The following GRM3 variants were observed in gnomAD, a reference collection of about 807,000 sequenced individuals.
The protein encoded by GRM3 is metabotropic glutamate receptor 3.
GRM3 carries 26 observed loss-of-function variants against 70.5 expected under a neutral mutation model. That is an observed-to-expected ratio of 0.37 (90% CI 0.27 to 0.51). The LOEUF (loss-of-function observed/expected upper bound fraction) is 0.51. Among genes scored for constraint, GRM3 ranks in the 20% least tolerant of loss-of-function variants. The pLI, the probability that GRM3 is intolerant of heterozygous loss-of-function variation, is 0.93. For synonymous variants in GRM3, 443 were observed against 434.9 expected (o/e 1.02, Z -0.23); for missense variants, 859 against 1,123.8 (o/e 0.76, Z 3.37).
chr7:86,645,838 T>A (rs1793447923), intron 1 of GRM3, among the ~76,000 whole-genome samples: 1 of 152,048 alleles, frequency 6.6e-6, no homozygotes, highest in Non-Finnish European at 1.5e-5. Flanking sequence ...GGTCTATATG[T>A]AGGTACATAT....
chr7:86,650,793 A>T (rs1793584528), intron 1 of GRM3, among the ~76,000 whole-genome samples: 2 of 152,162 alleles, frequency 1.3e-5, no homozygotes, highest in Admixed American at 1.3e-4. Context: ...GGTGAGTAGG[A>T]TTTCTGCTGA....
At chr7:86,711,181 A>ATTTT (rs1562834214) in intron 1 of GRM3, among the ~76,000 whole-genome samples, 7 of 149,170 alleles carry the variant, frequency 4.7e-5, no homozygotes, top group Admixed American at 4.0e-4. Flanking sequence ...AATTTAATTT[A>ATTTT]ATTTTATTTT....
chr7:86,842,187 T>C (rs1187793610), intron 4 of GRM3, among the ~76,000 whole-genome samples: 1 of 152,216 alleles, frequency 6.6e-6, no homozygotes, highest in African/African-American at 2.4e-5. Flanking sequence ...CAGGTAACTC[T>C]GATTTGCAGC....
At chr7:86,703,970 T>G (rs1047739565) in intron 1 of GRM3, among the ~76,000 whole-genome samples, 1 of 151,986 alleles carries the variant, frequency 6.6e-6, no homozygotes, top group African/African-American at 2.4e-5. Context: ...AAGTTTCAGA[T>G]ATGCCTGTAT....
At chr7:86,800,276 A>C (rs1797651751) in intron 3 of GRM3, among the ~76,000 whole-genome samples, 1 of 152,208 alleles carries the variant, frequency 6.6e-6, no homozygotes, top group South Asian at 2.1e-4. Context: ...AGAAGACAAG[A>C]AATAACCAAG....
At chr7:86,675,360 A>T (rs114449138) in intron 1 of GRM3, among the ~76,000 whole-genome samples, 2,009 of 152,192 alleles carry the variant, frequency 0.013, 38 homozygotes, top group African/African-American at 0.046. Flanking sequence ...GGAAAACACC[A>T]TATCCCTGCT....
chr7:86,667,176 G>T (rs1220295877), intron 1 of GRM3, among the ~76,000 whole-genome samples: 3 of 152,000 alleles, frequency 2.0e-5, no homozygotes, highest in African/African-American at 7.2e-5. Context: ...CATATACCAG[G>T]TAACTAACAA....
intron 1 of GRM3, among the ~76,000 whole-genome samples, chr7:86,685,225 C>G (rs1402395904): frequency 1.3e-5 from 2 of 152,158 alleles, no homozygotes; most frequent in African/African-American, 2.4e-5. Context: ...GCACCAAAGA[C>G]AGTTGGTATG....
intron 1 of GRM3, among the ~76,000 whole-genome samples, chr7:86,761,328 A>T (rs1287135691): frequency 1.3e-5 from 2 of 152,106 alleles, no homozygotes; most frequent in Non-Finnish European, 2.9e-5. Flanking sequence ...AGGTCAGTTC[A>T]GGTCTACATC....
chr7:86,663,446 A>C (rs1042131841), intron 1 of GRM3, among the ~76,000 whole-genome samples: 23 of 152,024 alleles, frequency 1.5e-4, no homozygotes, highest in Non-Finnish European at 4.4e-5. Flanking sequence ...CTATGGAGTA[A>C]GGAGACAAGC....
intron 1 of GRM3, among the ~76,000 whole-genome samples, chr7:86,756,662 G>C (rs1257146214): frequency 1.3e-5 from 2 of 151,856 alleles, no homozygotes; most frequent in Non-Finnish European, 2.9e-5. Context: ...AATCAATTTG[G>C]CTATGATTTA....
At chr7:86,814,455 A>G (rs1797976685) in intron 3 of GRM3, among the ~76,000 whole-genome samples, 1 of 151,734 alleles carries the variant, frequency 6.6e-6, no homozygotes, top group South Asian at 2.1e-4. Context: ...TAGCTCCCAT[A>G]TATCAATGAG....
chr7:86,831,107 G>T (rs1798342484), intron 3 of GRM3, among the ~76,000 whole-genome samples: 1 of 152,158 alleles, frequency 6.6e-6, no homozygotes, highest in Non-Finnish European at 1.5e-5. Flanking sequence ...GTCATCTCAA[G>T]CCACTCAGTT....
At chr7:86,711,340 G>A (rs979599845) in intron 1 of GRM3, among the ~76,000 whole-genome samples, 2 of 151,912 alleles carry the variant, frequency 1.3e-5, no homozygotes, top group Non-Finnish European at 2.9e-5. Flanking sequence ...ATGCACATAT[G>A]TATATAAATA....
At chr7:86,863,461 C>T (rs544658258) in intron 5 of GRM3, among the ~76,000 whole-genome samples, 2 of 152,234 alleles carry the variant, frequency 1.3e-5, no homozygotes, top group African/African-American at 4.8e-5. Flanking sequence ...GAAAGGAAAG[C>T]ATCAGCAGGG....
At chr7:86,728,179 G>T (rs1795636795) in intron 1 of GRM3, among the ~76,000 whole-genome samples, 1 of 151,968 alleles carries the variant, frequency 6.6e-6, no homozygotes, top group African/African-American at 2.4e-5. Flanking sequence ...CCATTGCTTA[G>T]TCTCCTACAA....
At chr7:86,845,381 T>C (rs1798636518) in intron 4 of GRM3, among the ~76,000 whole-genome samples, 1 of 152,194 alleles carries the variant, frequency 6.6e-6, no homozygotes, top group African/African-American at 2.4e-5. Flanking sequence ...ATTTTTGATG[T>C]TTTAAATATT....
At chr7:86,857,805 G>C (rs998380910) in intron 5 of GRM3, among the ~76,000 whole-genome samples, 1 of 152,122 alleles carries the variant, frequency 6.6e-6, no homozygotes, top group African/African-American at 2.4e-5. Flanking sequence ...AACTAAGAGA[G>C]TGAAAAGAAT....
chr7:86,834,122 TTTC>T (rs1345674018), intron 3 of GRM3, among the ~76,000 whole-genome samples: 2 of 152,196 alleles, frequency 1.3e-5, no homozygotes, highest in Non-Finnish European at 1.5e-5. Context: ...AACTTTATAA[TTTC>T]TTTTTTATCA....
Sources: gnomAD v4.1 joint callset for allele counts (sites outside exome capture counted in the v4.1 genomes callset) on GRCh38, gnomAD v4.1.1 for gene constraint, MANE v1.5 for transcripts, NCBI Gene and HGNC (gene_info 2026-07-23, HGNC 2026-07-21) for gene names.